The following NAV2 variants were observed in gnomAD, a reference collection of about 807,000 sequenced individuals.
NAV2 encodes neuron navigator 2, also known as helicase, APC down-regulated 1.
NAV2 carries 54 observed loss-of-function variants against 223.2 expected under a neutral mutation model. That is an observed-to-expected ratio of 0.24 (90% CI 0.19 to 0.30). The LOEUF is 0.30. Among genes scored for constraint, NAV2 ranks in the 10% least tolerant of loss-of-function variants. NAV2 has a pLI of 1.00. For missense variants in NAV2, 2,806 were observed against 3,147.5 expected, an observed-to-expected ratio of 0.89 and a Z score of 2.60; for synonymous variants, 1,279 against 1,239.3, an observed-to-expected ratio of 1.03 and a Z score of -0.67.
chr11:19,636,094 T>C (rs2047491748), intron 1 of NAV2, among the ~76,000 whole-genome samples: 1 of 152,226 alleles, frequency 6.6e-6, no homozygotes, highest in African/African-American at 2.4e-5. Context: ...ATCTCACCTA[T>C]TAGAGGACTG....
chr11:19,416,032 C>T (rs1399705531), intron 1 of NAV2, among the ~76,000 whole-genome samples: 1 of 152,152 alleles, frequency 6.6e-6, no homozygotes, highest in Non-Finnish European at 1.5e-5. Context: ...CGAAAACCCA[C>T]ACAAGACAAG....
chr11:20,052,237 G>C (rs1486737048), intron 17 of NAV2, among the ~76,000 whole-genome samples: 1 of 152,192 alleles, frequency 6.6e-6, no homozygotes, highest in Non-Finnish European at 1.5e-5. Context: ...TTAATAACCT[G>C]CAGCTCTTAA....
intron 11 of NAV2, among the ~76,000 whole-genome samples, chr11:20,005,413 T>G (rs1207237662): frequency 1.3e-5 from 2 of 151,824 alleles, no homozygotes; most frequent in Non-Finnish European, 2.9e-5. Context: ...GCCCAGCTAA[T>G]TTTTATATTT....
chr11:20,114,875 A>T, intron 37 of NAV2, 80 bp downstream of exon 37: 1 of 1,360,830 alleles, frequency 7.3e-7, no homozygotes. Context: ...GCCTCTGGAA[A>T]TACAAAGGTG....
intron 1 of NAV2, among the ~76,000 whole-genome samples, chr11:19,775,780 G>A (rs1443116): frequency 0.39 from 59,717 of 151,972 alleles, 13,702 homozygotes; most frequent in African/African-American, 0.65. Flanking sequence ...ACAGTGCTCC[G>A]GGGAGTGGGA....
At chr11:19,684,039 C>T (rs1167354368) in intron 1 of NAV2, among the ~76,000 whole-genome samples, 1 of 152,186 alleles carries the variant, frequency 6.6e-6, no homozygotes, top group East Asian at 1.9e-4. Context: ...CATGTACACT[C>T]CCCCAATTGT....
At chr11:19,971,430 A>G (rs760190648) in intron 10 of NAV2, among the ~76,000 whole-genome samples, 1 of 152,114 alleles carries the variant, frequency 6.6e-6, no homozygotes, top group Non-Finnish European at 1.5e-5. Flanking sequence ...CCTATTTTGC[A>G]GGGTATAAAA....
At position 19,840,313 on chromosome 11, in the gene NAV2, C is replaced by T. The variant is rs894219975; in HGVS notation, c.386-2558C>T. ...CATGATATTTAAATTCAAAGAGCAC[C>T]TGACTGGGTTTAGGTGACAGACCAT... On this transcript the variant is annotated intron_variant, in intron 2 of 37. Coordinates refer to ENST00000349880, the MANE Select transcript of NAV2 (RefSeq NM_145117.5). 4.6e-5 allele frequency among the ~76,000 whole-genome samples: 7 copies of T among 152,188 alleles called. No individual in the cohort carries two copies. In the East Asian group the frequency reaches 1.2e-3, roughly 25 times the overall value.
At chr11:19,834,003 A>G (rs1343589803) in intron 2 of NAV2, among the ~76,000 whole-genome samples, 3 of 152,174 alleles carry the variant, frequency 2.0e-5, no homozygotes, top group Non-Finnish European at 4.4e-5. Flanking sequence ...CTAACTTAAC[A>G]TAATCATGGG....
At chr11:20,074,013 A>C (rs952618173) in intron 22 of NAV2, among the ~76,000 whole-genome samples, 24 of 151,888 alleles carry the variant, frequency 1.6e-4, no homozygotes, top group African/African-American at 5.1e-4. Context: ...TAGTTCTTTT[A>C]ATTGTGATCT....
intron 1 of NAV2, among the ~76,000 whole-genome samples, chr11:19,410,647 A>T (rs1211339474): frequency 1.3e-5 from 2 of 152,218 alleles, no homozygotes; most frequent in Admixed American, 6.5e-5. Flanking sequence ...AAAGAAAAGC[A>T]TGTAAAACAT....
rs1384954454 is a variant in NAV2 at position 19,739,084 on chromosome 11, G to A, written c.267+25122G>A. On this transcript the variant is annotated intron_variant, in intron 1 of 37. Coordinates refer to ENST00000349880, the MANE Select transcript of NAV2 (RefSeq NM_145117.5). ...TGGTCTCAGCTACTCAGCAGGCTAA[G>A]GTGGGAGGATCACTTGAGCCCAGGG... Among the ~76,000 whole-genome samples, 5 of 152,180 alleles carry A rather than the reference G, an allele frequency of 3.3e-5. No individual in the cohort carries two copies. In the East Asian group the frequency reaches 5.8e-4, roughly 18 times the overall value.
chr11:19,879,769 T>C (rs1220917361), intron 4 of NAV2, 100 bp from the exon 5 acceptor site: 1 of 1,374,054 alleles, frequency 7.3e-7, no homozygotes, highest in Non-Finnish European at 1.0e-6. Context: ...AGGAAGCCTG[T>C]CATATCCTAA....
At chr11:20,106,361 C>T (rs1387673935) in intron 35 of NAV2, among the ~76,000 whole-genome samples, 11 of 148,056 alleles carry the variant, frequency 7.4e-5, no homozygotes, top group Admixed American at 1.3e-4. Context: ...GAGTTCGAAA[C>T]CAGCCTGGCC....
chr11:19,884,727 G>T (rs774148196), intron 5 of NAV2, among the ~76,000 whole-genome samples: 1 of 152,066 alleles, frequency 6.6e-6, no homozygotes, highest in East Asian at 1.9e-4. Flanking sequence ...TTCCTGCTTC[G>T]TCCTGGCCCT....
chr11:19,435,802 A>G (rs1851195088), intron 1 of NAV2, among the ~76,000 whole-genome samples: 1 of 152,102 alleles, frequency 6.6e-6, no homozygotes, highest in African/African-American at 2.4e-5. Context: ...TGTGGTTTTA[A>G]GTTTCATTTT....
chr11:19,406,335 G>C (rs948656708), intron 1 of NAV2, among the ~76,000 whole-genome samples: 1 of 152,176 alleles, frequency 6.6e-6, no homozygotes, highest in African/African-American at 2.4e-5. Context: ...TGAGGGTCCT[G>C]TCTAATAGGA....
chr11:20,078,431 A>G (rs1394872762), intron 24 of NAV2, among the ~76,000 whole-genome samples: 1 of 152,212 alleles, frequency 6.6e-6, no homozygotes, highest in East Asian at 1.9e-4. Flanking sequence ...CATAAGCTGA[A>G]CTGAGTTCCT....
chr11:19,420,733 T>C (rs371199328), intron 1 of NAV2, among the ~76,000 whole-genome samples: 1 of 152,312 alleles, frequency 6.6e-6, no homozygotes, highest in South Asian at 2.1e-4. Flanking sequence ...ATGTTTACCC[T>C]TGGAGCAAGA....
Sources: gnomAD v4.1 joint callset for allele counts (sites outside exome capture counted in the v4.1 genomes callset) on GRCh38, gnomAD v4.1.1 for gene constraint, MANE v1.5 for transcripts, NCBI Gene and HGNC (gene_info 2026-07-23, HGNC 2026-07-21) for gene names.